Variants in ZC3H7A observed in about 807,000 individuals in gnomAD.
The protein encoded by ZC3H7A is zinc finger CCCH-type containing 7A, also known as zinc finger CCCH domain-containing protein 7A.
ZC3H7A carries 44 observed loss-of-function variants against 125.5 expected under a neutral mutation model. That is an observed-to-expected ratio of 0.35 (90% CI 0.28 to 0.45). The LOEUF is 0.45. ZC3H7A is among the 20% of genes least tolerant of loss of function. The pLI is 1.00. For synonymous variants in ZC3H7A, 399 were observed against 391.2 expected (o/e 1.02, Z -0.23); for missense variants, 977 against 1,170.7 (o/e 0.83, Z 2.41).
intron 17 of ZC3H7A, 67 bp from the exon 18 acceptor site, chr16:11,762,110 T>C (rs527647394): frequency 2.8e-6 from 4 of 1,441,650 alleles, no homozygotes; most frequent in Non-Finnish European, 3.7e-6. Flanking sequence ...GACAAAATAC[T>C]AAATCAAGAT....
At chr16:11,766,176 C>A (rs2052854474) in intron 13 of ZC3H7A, among the ~76,000 whole-genome samples, 1 of 152,010 alleles carries the variant, frequency 6.6e-6, no homozygotes, top group Admixed American at 6.6e-5. Context: ...ATACCAAGTT[C>A]TCTCAAAAGC....
intron 1 of ZC3H7A, among the ~76,000 whole-genome samples, chr16:11,791,079 A>C (rs1387634888): frequency 3.1e-5 from 4 of 127,620 alleles, no homozygotes; most frequent in Non-Finnish European, 6.6e-5. Flanking sequence ...CTCTAAAATA[A>C]ATTTTTAAAA....
chr16:11,763,130 G>A (rs1364193601), intron 16 of ZC3H7A: 1 of 231,572 alleles, frequency 4.3e-6, no homozygotes, highest in East Asian at 9.3e-5. Context: ...TTTTTTTTGA[G>A]ACAGTCTCAT....
At chr16:11,790,789 TC>T (rs917426223) in intron 1 of ZC3H7A, among the ~76,000 whole-genome samples, 24 of 152,068 alleles carry the variant, frequency 1.6e-4, no homozygotes, top group African/African-American at 5.8e-4. Flanking sequence ...TCTGCCCACC[TC>T]GGTCTCTCCC....
intron 8 of ZC3H7A, 109 bp downstream of exon 8, chr16:11,774,871 A>G (rs934560306): frequency 7.9e-7 from 1 of 1,268,332 alleles, no homozygotes; most frequent in African/African-American, 1.5e-5. Flanking sequence ...TAATACATTA[A>G]TATGAATATA....
intron 7 of ZC3H7A, chr16:11,775,494 T>C (rs545576273): frequency 6.5e-6 from 1 of 153,244 alleles, no homozygotes; most frequent in African/African-American, 2.4e-5. Flanking sequence ...TGTATACATG[T>C]GGTGTTAGGT....
chr16:11,789,423 T>G (rs1352598235), intron 1 of ZC3H7A, among the ~76,000 whole-genome samples: 1 of 151,918 alleles, frequency 6.6e-6, no homozygotes, highest in Non-Finnish European at 1.5e-5. Flanking sequence ...CCTGGCTAAT[T>G]TTTGTATTTT....
Position 11,758,519 on chromosome 16 carries a change from A to T in ZC3H7A, c.2340T>A (p.Ser780=), listed in dbSNP as rs1220041554. 1 of 1,613,518 alleles carries T rather than the reference A, an allele frequency of 6.2e-7. No homozygotes were observed. Among genetic ancestry groups the T allele is most frequent in the Admixed American group, 1.7e-5 (1 of 60,000 alleles). Reference sequence around the variant, plus strand: ...TTCCAACATATTGACATTTTTTCCCAGAAGCAATATGGTTGCACAGCTGTA... The same window carrying T: ...TTCCAACATATTGACATTTTTTCCCTGAAGCAATATGGTTGCACAGCTGTA... ...LQFDLCNHIA[S]GKKCQYVGNC... is the part of the protein sequence containing the mutation. Residue 780 remains serine, a synonymous_variant, in exon 20 of 23, where the codon TCT becomes TCA. Transcript: ENST00000355758.
At chr16:11,796,376 T>G (rs1341698643) in intron 1 of ZC3H7A, 1 of 152,198 alleles carries the variant, frequency 6.6e-6, no homozygotes, top group Admixed American at 6.5e-5. Flanking sequence ...GCAAGGTCCT[T>G]CGTGGTTCAA....
At chr16:11,753,171 C>T in intron 21 of ZC3H7A, 1 of 229,658 alleles carries the variant, frequency 4.4e-6, no homozygotes. Context: ...ATGAGAAAGA[C>T]CAGGACATGC....
Position 11,763,466 on chromosome 16 carries a change from A to G in ZC3H7A, c.2002+12T>C, listed in dbSNP as rs756696108. The G allele has an allele frequency of 1.3e-6, 2 of 1,589,314 alleles. No homozygotes were observed. Among genetic ancestry groups the G allele is most frequent in the Admixed American group, 1.7e-5 (1 of 57,786 alleles). On this transcript the variant is annotated intron_variant, in intron 16 of 22. Coordinates refer to ENST00000355758, the MANE Select transcript of ZC3H7A (RefSeq NM_014153.4). Reference sequence around the variant, plus strand: ...TTGAGGAGACATACTTCTCAGTCGCACTCAAACCTACCTGTTTCATTTTGC... The same window carrying G: ...TTGAGGAGACATACTTCTCAGTCGCGCTCAAACCTACCTGTTTCATTTTGC...
intron 1 of ZC3H7A, among the ~76,000 whole-genome samples, chr16:11,792,542 G>A (rs1024759193): frequency 6.6e-6 from 1 of 152,210 alleles, no homozygotes; most frequent in African/African-American, 2.4e-5. Flanking sequence ...TCAAGGTAAG[G>A]GAAATGTGAC....
chr16:11,762,788 G>A, intron 16 of ZC3H7A, 41 bp from the exon 17 acceptor site: 3 of 1,598,270 alleles, frequency 1.9e-6, no homozygotes, highest in Non-Finnish European at 2.6e-6. Context: ...ATATCTATAA[G>A]AACAACAGCC....
At chr16:11,781,380 A>C (rs1473497422) in intron 3 of ZC3H7A, 45 bp downstream of exon 3, 2 of 1,584,316 alleles carry the variant, frequency 1.3e-6, no homozygotes, top group Non-Finnish European at 1.7e-6. Context: ...TACAGTTCAC[A>C]AGCCACTTGC....
chr16:11,761,395 T>C lies in ZC3H7A; in HGVS notation c.2319+11A>G, dbSNP rs2052750195. 1.2e-6 allele frequency: 2 copies of C among 1,611,050 alleles called. No homozygotes were observed. Among genetic ancestry groups the C allele is most frequent in the Non-Finnish European group, 8.5e-7 (1 of 1,178,546 alleles). ...AATTTAAAAAAAGTGGCTTAAAAAT[T>C]ACGTATGTACATCAAACTGTAAAGG... On this transcript the variant is annotated intron_variant, in intron 19 of 22. Coordinates refer to ENST00000355758, the MANE Select transcript of ZC3H7A (RefSeq NM_014153.4).
In ZC3H7A at chr16:11,782,303, C is replaced by T; in HGVS notation, c.52G>A (p.Gly18Arg). ...AGCTCTTACTGTATAAACTGCAGTC[C>T]TTCCTTAATGTTCTGCTGCCTTTTT... Reference protein sequence around the residue: ...RRKRQQNIKEGLQFIQSPLSY... With the variant: ...RRKRQQNIKERLQFIQSPLSY... The change falls in exon 2 of 23, where the codon GGA becomes AGA. Residue 18 changes from glycine (G) to arginine (R), a missense_variant. This residue lies in a region of ZC3H7A where 199 missense variants were observed against 256.1 expected (regional missense o/e 0.78). Transcript: ENST00000355758. 1 of 1,614,212 alleles carries T rather than the reference C, an allele frequency of 6.2e-7. No homozygotes were observed. The highest frequency in any genetic ancestry group is 8.5e-7 in the Non-Finnish European group (1 of 1,180,034).
chr16:11,779,131 A>C (rs746335791), intron 4 of ZC3H7A, 35 bp downstream of exon 4: 1 of 1,511,192 alleles, frequency 6.6e-7, no homozygotes, highest in Non-Finnish European at 9.0e-7. Context: ...AATTCTTTTC[A>C]CTCTAGAAAC....
intron 20 of ZC3H7A, among the ~76,000 whole-genome samples, chr16:11,757,667 G>A (rs1319846395): frequency 1.3e-5 from 2 of 152,056 alleles, no homozygotes; most frequent in Non-Finnish European, 2.9e-5. Flanking sequence ...GACCAGTGGT[G>A]GCAGGAGTCA....
intron 10 of ZC3H7A, among the ~76,000 whole-genome samples, chr16:11,769,598 C>A (rs932590875): frequency 4.7e-5 from 7 of 149,320 alleles, no homozygotes; most frequent in East Asian, 2.0e-4. Flanking sequence ...GTAATCCCAG[C>A]TACTCAGGAG....
Sources: gnomAD v4.1 joint callset for allele counts (sites outside exome capture counted in the v4.1 genomes callset) on GRCh38, gnomAD v4.1.1 for gene constraint, gnomAD v4.1.1 regional missense constraint, MANE v1.5 for transcripts, NCBI Gene and HGNC (gene_info 2026-07-23, HGNC 2026-07-21) for gene names.